PFKFB3: variants seen among roughly 807,000 people sequenced by gnomAD.
PFKFB3 encodes the protein 6-phosphofructo-2-kinase/fructose-2,6-biphosphatase 3, also known as 6-phosphofructo-2-kinase/fructose-2,6-bisphosphatase 3.
A neutral mutation model predicts 68.0 loss-of-function variants in PFKFB3; 33 were observed. That is an observed-to-expected ratio of 0.49 (90% CI 0.37 to 0.65). The LOEUF (loss-of-function observed/expected upper bound fraction) is 0.65. Ranked by LOEUF, PFKFB3 falls within the 30% of genes least tolerant of loss-of-function variation. The pLI is 0.00. For synonymous variants in PFKFB3, 315 were observed against 288.2 expected (o/e 1.09, Z -0.94); for missense variants, 586 against 712.2 (o/e 0.82, Z 2.02).
the PFKFB3 span, among the ~76,000 whole-genome samples, chr10:6,316,815 T>C: frequency 6.6e-6 from 1 of 152,160 alleles, no homozygotes; most frequent in Admixed American, 6.5e-5. Context: ...GCCTTCTGCA[T>C]ATGAGGTACA....
chr10:6,174,879 G>C (rs1268538251), intron 1 of PFKFB3, among the ~76,000 whole-genome samples: 3 of 150,122 alleles, frequency 2.0e-5, no homozygotes, highest in Admixed American at 6.6e-5. Flanking sequence ...ACAGTGGCAC[G>C]ATCTCGGCTC....
At position 6,220,727 on chromosome 10, in the gene PFKFB3, C is replaced by G. The variant is rs1419771924; in HGVS notation, c.693C>G (p.Ile231Met). 3 of 1,613,962 alleles carry G rather than the reference C, an allele frequency of 1.9e-6. No individual in the cohort carries two copies. The African/African-American group carries it at 4.0e-5, about 22-fold the overall frequency. ...RFLVNRVQDH[I>M]QSRIVYYLMN... ...TGGTGAACCGGGTGCAGGACCACAT[C>G]CAGAGCCGCATCGTGTACTACCTGA... The change falls in exon 8 of 15, where the codon ATC becomes ATG. Residue 231 changes from isoleucine to methionine, a missense_variant. Transcript: ENST00000379775. This position sits in a 1 kb window ranked among gnomAD's most constrained non-coding sequence, Gnocchi z 4.1.
rs1177253551 is a variant in PFKFB3 at position 6,210,515 on chromosome 10, CAT to C, written c.77-3107_77-3106del. 9.6e-5 allele frequency among the ~76,000 whole-genome samples: 11 copies of C among 114,664 alleles called. 1 individual carries two copies. The East Asian group carries it at 2.0e-3, about 21-fold the overall frequency. 75.2% of individuals were successfully genotyped at this position (114,664 alleles called of 152,430 possible). A position where few individuals can be genotyped will look rare whatever the true frequency, so the allele number is the denominator to read the frequency against. On this transcript the variant is annotated intron_variant, in intron 1 of 14. Coordinates refer to ENST00000379775, the MANE Select transcript of PFKFB3 (RefSeq NM_004566.4). ...AGCTGGGACTACAGGCGCCCGCCAA[CAT>C]GGCCGGCTAATTTTTTGTGTTTTTA...
downstream of PFKFB3, among the ~76,000 whole-genome samples, chr10:6,259,568 AC>A (rs879842588): frequency 0.15 from 4,299 of 28,608 alleles, 154 homozygotes; most frequent in South Asian, 0.45. Flanking sequence ...CCATCCATCC[AC>A]TCATCCATCC....
At chr10:6,207,193 C>T (rs1232249914) in intron 1 of PFKFB3, among the ~76,000 whole-genome samples, 4 of 152,320 alleles carry the variant, frequency 2.6e-5, no homozygotes, top group East Asian at 3.9e-4. Flanking sequence ...CCCGGCACCT[C>T]GGGAGGCCGA....
At chr10:6,190,014 G>A (rs1345900223) in intron 1 of PFKFB3, among the ~76,000 whole-genome samples, 1 of 151,826 alleles carries the variant, frequency 6.6e-6, no homozygotes. Context: ...TGTGATCTCG[G>A]CTCACTGCAA....
chr10:6,202,928 T>C, upstream of PFKFB3: 1 of 1,207,344 alleles, frequency 8.3e-7, no homozygotes, highest in Middle Eastern at 3.4e-4. Context: ...GCGCGGGGCA[T>C]CCCAGCCAAG....
chr10:6,293,256 C>T, the PFKFB3 span: 6 of 435,470 alleles, frequency 1.4e-5, no homozygotes, highest in Non-Finnish European at 2.7e-5. Context: ...AGTCCAGTGA[C>T]CTTCTGTCTG....
chr10:6,274,483 A>T, the PFKFB3 span, among the ~76,000 whole-genome samples: 1 of 152,242 alleles, frequency 6.6e-6, no homozygotes, highest in African/African-American at 2.4e-5. Context: ...TTAATAATGC[A>T]TTCAATAGTG....
chr10:6,212,667 T>A lies in PFKFB3; in HGVS notation c.77-956T>A, dbSNP rs569965210. Among the ~76,000 whole-genome samples the A allele has an allele frequency of 3.9e-5, 6 of 152,322 alleles. No individual in the cohort carries two copies. The South Asian group carries it at 1.2e-3, about 32-fold the overall frequency. On this transcript the variant is annotated intron_variant, in intron 1 of 14. Transcript: ENST00000379775. ...AAACTCTTTTCTTCTAATTATTTTTTAATTTATTTGTTTGTAGAGGCAGGG... is the reference window on the plus strand; with the variant it reads ...AAACTCTTTTCTTCTAATTATTTTTAAATTTATTTGTTTGTAGAGGCAGGG...
chr10:6,220,529 T>G lies in PFKFB3; in HGVS notation c.624-129T>G, dbSNP rs563696762. 2 of 757,618 alleles carry G rather than the reference T, an allele frequency of 2.6e-6. No homozygotes were observed. The highest frequency in any genetic ancestry group is 1.7e-5 in the African/African-American group (1 of 58,406). 46.9% of individuals were successfully genotyped at this position (757,618 alleles called of 1,614,324 possible). ...TGCTCTGCCCCTTAGAAGGATTCAG[T>G]CTGTGCCCTGGAGGGGCCTACGGTC... On this transcript the variant is annotated intron_variant, in intron 7 of 14. Coordinates refer to ENST00000379775, the MANE Select transcript of PFKFB3 (RefSeq NM_004566.4). This position sits in a 1 kb window ranked among gnomAD's most constrained non-coding sequence, Gnocchi z 4.1.
At chr10:6,314,425 A>G in the PFKFB3 span, among the ~76,000 whole-genome samples, 3 of 152,310 alleles carry the variant, frequency 2.0e-5, no homozygotes, top group East Asian at 3.9e-4. Context: ...GTGTCTGTGC[A>G]TATGTGTGTG....
chr10:6,199,074 G>C (rs1193087125), upstream of PFKFB3, among the ~76,000 whole-genome samples: 1 of 152,200 alleles, frequency 6.6e-6, no homozygotes, highest in African/African-American at 2.4e-5. Flanking sequence ...TCTTTGGCTG[G>C]TGATGATGGA....
chr10:6,213,858 C>A (rs994928004), intron 2 of PFKFB3, 110 bp downstream of exon 2: 1 of 1,183,520 alleles, frequency 8.4e-7, no homozygotes, highest in African/African-American at 1.5e-5. Context: ...GTCCCCTGGT[C>A]GGGGAGTCTG....
At chr10:6,251,755 G>A (rs1846386908) in intron 14 of PFKFB3, among the ~76,000 whole-genome samples, 2 of 152,160 alleles carry the variant, frequency 1.3e-5, no homozygotes, top group South Asian at 4.1e-4. Context: ...TGGATCACGA[G>A]GTCAGGAGTT....
chr10:6,220,882 C>T lies in PFKFB3; in HGVS notation c.831+17C>T, dbSNP rs60679017. 18,724 of 1,606,608 alleles carry T rather than the reference C, an allele frequency of 0.012. 815 individuals are homozygous for T. The African/African-American group carries it at 0.14, about 12-fold the overall frequency. ...GGCAAGAAGGTGCGGGGTGTGCTGC[C>T]GCATGGGCCGTTCTGGCTGTAGGGC... On this transcript the variant is annotated intron_variant, in intron 8 of 14. Transcript: ENST00000379775. This position sits in a 1 kb window ranked among gnomAD's most constrained non-coding sequence, Gnocchi z 4.1.
In PFKFB3 at chr10:6,233,074, CGA is replaced by C. The variant is rs1230368120; in HGVS notation, c.*133_*134del. 1.4e-6 allele frequency: 1 copy of C among 730,098 alleles called. No individual in the cohort carries two copies. Among genetic ancestry groups the C allele is most frequent in the African/African-American group, 1.8e-5 (1 of 57,110 alleles). The allele number at this position is 730,098 out of a possible 1,614,324, so 45.2% of individuals were successfully genotyped here. On this transcript the variant is annotated 3_prime_UTR_variant, in exon 15 of 15. Transcript: ENST00000379775. Reference sequence around the variant, plus strand: ...GGTGGAGCAGCGGGGGAGCCTTGGCCGAAGAGAACCATGCTTGGCACCGTCTG... The same window carrying C: ...GGTGGAGCAGCGGGGGAGCCTTGGCCAGAGAACCATGCTTGGCACCGTCTG...
chr10:6,306,560 A>G, the PFKFB3 span, among the ~76,000 whole-genome samples: 1 of 152,170 alleles, frequency 6.6e-6, no homozygotes, highest in Non-Finnish European at 1.5e-5. Context: ...AATGTAACAG[A>G]TTTCCCTACA....
the PFKFB3 span, among the ~76,000 whole-genome samples, chr10:6,263,536 C>T: frequency 6.6e-6 from 1 of 152,240 alleles, no homozygotes; most frequent in Non-Finnish European, 1.5e-5. Flanking sequence ...CTTCGCTCCT[C>T]CTGAATTTCC....
Sources: gnomAD v4.1 joint callset for allele counts (sites outside exome capture counted in the v4.1 genomes callset) on GRCh38, gnomAD v4.1.1 for gene constraint, Gnocchi (gnomAD v3.1) non-coding constraint, MANE v1.5 for transcripts, NCBI Gene and HGNC (gene_info 2026-07-23, HGNC 2026-07-21) for gene names.